The following PIP4K2A variants were observed in gnomAD, a reference collection of about 807,000 sequenced individuals.
The protein encoded by PIP4K2A is phosphatidylinositol 5-phosphate 4-kinase type-2 alpha.
A neutral mutation model predicts 42.9 loss-of-function variants in PIP4K2A; 14 were observed. The ratio of observed to expected loss-of-function variants is 0.33; its 90% CI spans 0.22 to 0.51. The LOEUF (loss-of-function observed/expected upper bound fraction) is 0.51, where lower values mean the gene tolerates loss of function less well. PIP4K2A is among the 20% of genes least tolerant of loss of function. PIP4K2A has a pLI of 0.97. For synonymous variants in PIP4K2A, 192 were observed against 192.2 expected, an observed-to-expected ratio of 1.00 and a Z score of 0.01; for missense variants, 434 against 519.8, an observed-to-expected ratio of 0.83 and a Z score of 1.61.
At chr10:22,687,658 G>A (rs538424446) in intron 1 of PIP4K2A, among the ~76,000 whole-genome samples, 3 of 152,088 alleles carry the variant, frequency 2.0e-5, no homozygotes, top group South Asian at 4.1e-4. Context: ...ACCAAAATCC[G>A]CAACGATCAA....
chr10:22,667,871 G>GTC (rs1839378469), intron 1 of PIP4K2A, among the ~76,000 whole-genome samples: 1 of 56,682 alleles, frequency 1.8e-5, no homozygotes, highest in Admixed American at 1.4e-4. Flanking sequence ...ACTTCTGTGT[G>GTC]TGTGTGTGTG....
chr10:22,541,809 T>C lies in PIP4K2A; in HGVS notation c.1031A>G (p.His344Arg). The C allele has an allele frequency of 6.5e-7, 1 of 1,541,794 alleles. No individual in the cohort carries two copies. The highest frequency in any genetic ancestry group is 1.3e-5 in the South Asian group (1 of 78,068). The change falls in exon 8 of 10, where the codon CAT becomes CGT. Residue 344 changes from histidine (H) to arginine (R), a missense_variant. Transcript: ENST00000376573. ...PNIDVYGIKC[H>R]ENSPRKEVYF... The stretch of plus-strand genomic sequence containing the variant: ...TCCACAGTAATCAAACTTACTTTCA[T>C]GGCACTTAATTCCATAGACGTCGAT...
intron 1 of PIP4K2A, among the ~76,000 whole-genome samples, chr10:22,637,213 AG>A (rs1243832892): frequency 6.6e-6 from 1 of 152,214 alleles, no homozygotes; most frequent in East Asian, 1.9e-4. Flanking sequence ...TTTGACACCT[AG>A]GTTGGTCTCT....
chr10:22,693,411 T>C (rs963066931), intron 1 of PIP4K2A, among the ~76,000 whole-genome samples: 5 of 152,206 alleles, frequency 3.3e-5, no homozygotes, highest in African/African-American at 9.7e-5. Context: ...CCAAGAGTGA[T>C]TCTACATGGC....
chr10:22,576,072 C>G (rs956458394), intron 4 of PIP4K2A, among the ~76,000 whole-genome samples: 1 of 152,128 alleles, frequency 6.6e-6, no homozygotes, highest in Admixed American at 6.5e-5. Flanking sequence ...TAAACATGTA[C>G]AAACCCACAA....
intron 1 of PIP4K2A, among the ~76,000 whole-genome samples, chr10:22,666,112 T>C (rs1158942017): frequency 1.3e-5 from 2 of 151,548 alleles, no homozygotes; most frequent in East Asian, 1.9e-4. Flanking sequence ...CACATTTTAA[T>C]TATTTTCCCC....
chr10:22,535,436 A>T lies in PIP4K2A; in HGVS notation c.*1765T>A, dbSNP rs1313651052. ...GAGTGGACAGTATACGGAGGGCACG[A>T]CTGCTGGCTTCCAAAGACTCTGTGA... On this transcript the variant is annotated 3_prime_UTR_variant, in exon 10 of 10. Coordinates refer to ENST00000376573, the MANE Select transcript of PIP4K2A (RefSeq NM_005028.5). 1.3e-5 allele frequency: 2 copies of T among 152,250 alleles called. No homozygotes were observed. Among genetic ancestry groups the T allele is most frequent in the Admixed American group, 1.3e-4 (2 of 15,286 alleles). The allele number at this position is 152,250 out of a possible 1,614,324, so 9.4% of individuals were successfully genotyped here.
At chr10:22,654,858 G>C (rs528636220) in intron 1 of PIP4K2A, among the ~76,000 whole-genome samples, 2 of 152,318 alleles carry the variant, frequency 1.3e-5, no homozygotes, top group East Asian at 3.9e-4. Context: ...ACCTGTGAAA[G>C]TTCAAATTAA....
chr10:22,625,767 G>A (rs74422497), intron 1 of PIP4K2A, among the ~76,000 whole-genome samples: 2 of 152,192 alleles, frequency 1.3e-5, no homozygotes, highest in African/African-American at 2.4e-5. Context: ...CAGCATTCAC[G>A]CTTAGCCACA....
intron 1 of PIP4K2A, among the ~76,000 whole-genome samples, chr10:22,671,349 A>G (rs909411836): frequency 5.3e-5 from 8 of 152,192 alleles, no homozygotes; most frequent in Non-Finnish European, 1.2e-4. Context: ...CTGGGTGGAG[A>G]GAGTACACCT....
chr10:22,583,879 C>T (rs1301671025), intron 4 of PIP4K2A, among the ~76,000 whole-genome samples: 1 of 152,230 alleles, frequency 6.6e-6, no homozygotes, highest in Non-Finnish European at 1.5e-5. Context: ...CTAGGTCTGC[C>T]TTCCGAGGGC....
intron 3 of PIP4K2A, among the ~76,000 whole-genome samples, chr10:22,596,333 C>G (rs1837635358): frequency 6.6e-6 from 1 of 151,664 alleles, no homozygotes; most frequent in African/African-American, 2.4e-5. Flanking sequence ...GATCAGAAGA[C>G]AGTACAACCA....
At chr10:22,691,848 A>T (rs1839876646) in intron 1 of PIP4K2A, 1 of 152,224 alleles carries the variant, frequency 6.6e-6, no homozygotes, top group African/African-American at 2.4e-5. Flanking sequence ...AGCTGCTGGA[A>T]ATAGAACAAT....
At chr10:22,565,273 T>C (rs923724263) in intron 6 of PIP4K2A, among the ~76,000 whole-genome samples, 1 of 152,234 alleles carries the variant, frequency 6.6e-6, no homozygotes, top group Non-Finnish European at 1.5e-5. Context: ...ATCTCTGTTC[T>C]GACGCCGCAC....
At chr10:22,706,296 T>C (rs979627700) in intron 1 of PIP4K2A, among the ~76,000 whole-genome samples, 1 of 152,194 alleles carries the variant, frequency 6.6e-6, no homozygotes, top group African/African-American at 2.4e-5. Context: ...GAAGTAATCA[T>C]GATCCAGTCC....
intron 7 of PIP4K2A, among the ~76,000 whole-genome samples, chr10:22,547,941 G>GT (rs1259911601): frequency 6.6e-6 from 1 of 152,120 alleles, no homozygotes; most frequent in East Asian, 1.9e-4. Flanking sequence ...ATGAAAATTA[G>GT]TTTTCCTAAA....
intron 1 of PIP4K2A, among the ~76,000 whole-genome samples, chr10:22,708,369 C>T (rs775610799): frequency 3.3e-5 from 5 of 152,120 alleles, no homozygotes; most frequent in South Asian, 2.1e-4. Flanking sequence ...CCTGCTCCTC[C>T]GGTGGAGATC....
intron 1 of PIP4K2A, among the ~76,000 whole-genome samples, chr10:22,610,546 G>A (rs188309128): frequency 4.7e-4 from 72 of 152,280 alleles, no homozygotes; most frequent in Admixed American, 1.1e-3. Flanking sequence ...AACAAAACAA[G>A]CAAACAACAA....
chr10:22,666,658 C>T (rs759597801), intron 1 of PIP4K2A, among the ~76,000 whole-genome samples: 2 of 152,096 alleles, frequency 1.3e-5, no homozygotes, highest in African/African-American at 4.8e-5. Context: ...ACCCCAACTG[C>T]GGTTCTTCTT....
Sources: allele counts gnomAD v4.1 joint callset (sites outside exome capture counted in the v4.1 genomes callset), GRCh38; gene constraint gnomAD v4.1.1; transcripts MANE v1.5; gene names NCBI Gene and HGNC (gene_info 2026-07-23, HGNC 2026-07-21).